The following MYO1H variants were observed in gnomAD, a reference collection of about 807,000 sequenced individuals.
The protein encoded by MYO1H is unconventional myosin-Ih.
Under a neutral mutation model 149.3 loss-of-function variants are expected in MYO1H, and 118 were observed. The ratio of observed to expected loss-of-function variants is 0.79; its 90% CI spans 0.68 to 0.92. The LOEUF (loss-of-function observed/expected upper bound fraction) is 0.92, where lower values mean the gene tolerates loss of function less well. MYO1H is among the 40% of genes least tolerant of loss of function. The pLI, the probability that MYO1H is intolerant of heterozygous loss-of-function variation, is 0.00. For synonymous variants in MYO1H, 447 were observed against 465.2 expected (o/e 0.96, Z 0.50); for missense variants, 1,212 against 1,280.7 (o/e 0.95, Z 0.82).
chr12:109,370,538 A>T (rs2137014685), intron 1 of MYO1H, among the ~76,000 whole-genome samples: 1 of 152,348 alleles, frequency 6.6e-6, no homozygotes, highest in South Asian at 2.1e-4. Flanking sequence ...AATACATGAG[A>T]CAGAGATTTG....
chr12:109,421,175 A>G, intron 16 of MYO1H, 148 bp downstream of exon 16: 1 of 605,304 alleles, frequency 1.7e-6, no homozygotes, highest in Non-Finnish European at 2.9e-6. Flanking sequence ...ACAGACATTC[A>G]GGATCATCTG....
chr12:109,429,623 A>G (rs1285008369), intron 19 of MYO1H, among the ~76,000 whole-genome samples: 3 of 152,138 alleles, frequency 2.0e-5, no homozygotes, highest in African/African-American at 4.8e-5. Context: ...TGGATTTTGT[A>G]TCCATGGGGG....
chr12:109,315,041 G>T, the MYO1H span, among the ~76,000 whole-genome samples: 1 of 152,192 alleles, frequency 6.6e-6, no homozygotes, highest in Non-Finnish European at 1.5e-5. Context: ...GGCAGAGGCT[G>T]CAGTGAGCCA....
At chr12:109,312,314 G>A in the MYO1H span, among the ~76,000 whole-genome samples, 3 of 152,110 alleles carry the variant, frequency 2.0e-5, no homozygotes, top group Non-Finnish European at 2.9e-5. Context: ...CCGGGTTCAC[G>A]CCATTCTCCT....
At chr12:109,436,637 C>A in intron 22 of MYO1H, 81 bp downstream of exon 22, 1 of 926,912 alleles carries the variant, frequency 1.1e-6, no homozygotes. Context: ...GAGTTCTCTC[C>A]CCCTGCTCAT....
intron 2 of MYO1H, 104 bp downstream of exon 2, chr12:109,388,948 T>C: frequency 1.5e-6 from 2 of 1,360,260 alleles, no homozygotes; most frequent in Non-Finnish European, 2.0e-6. Context: ...GGTTAGACAT[T>C]AAAGGGAGAT....
At chr12:109,365,442 AGCATTATG>A (rs1327137642) in intron 1 of MYO1H, among the ~76,000 whole-genome samples, 1 of 152,204 alleles carries the variant, frequency 6.6e-6, no homozygotes, top group African/African-American at 2.4e-5. Flanking sequence ...GCGTCTATTT[AGCATTATG>A]GCTTCGGGGC....
intron 1 of MYO1H, among the ~76,000 whole-genome samples, chr12:109,371,929 T>A (rs1002443210): frequency 2.0e-5 from 3 of 152,176 alleles, no homozygotes; most frequent in African/African-American, 7.2e-5. Context: ...TCTACATATA[T>A]TTAAAAGACA....
chr12:109,369,585 A>T (rs1868939747), intron 1 of MYO1H, among the ~76,000 whole-genome samples: 1 of 152,228 alleles, frequency 6.6e-6, no homozygotes, highest in Admixed American at 6.5e-5. Flanking sequence ...ATAGACATGC[A>T]TGTACATGTG....
At chr12:109,438,086 TAAAAA>T (rs58487735) in intron 22 of MYO1H, among the ~76,000 whole-genome samples, 3 of 96,916 alleles carry the variant, frequency 3.1e-5, no homozygotes, top group African/African-American at 9.1e-5. Context: ...AGGCTCTGTC[TAAAAA>T]AAAAAAAAAA....
At chr12:109,397,699 T>G in intron 4 of MYO1H, 33 bp from the exon 5 acceptor site, 1 of 1,580,572 alleles carries the variant, frequency 6.3e-7, no homozygotes, top group Admixed American at 1.8e-5. Flanking sequence ...ATGGTGAGCT[T>G]AAATGACAGT....
chr12:109,447,473 C>A (rs80024159), exon 32 of MYO1H: 3 of 519,500 alleles, frequency 5.8e-6, no homozygotes, highest in Middle Eastern at 1.0e-3. Context: ...CGCAGTCCAA[C>A]GTGTCATTAG....
intron 19 of MYO1H, among the ~76,000 whole-genome samples, chr12:109,427,909 A>AAAATAT (rs1555254298): frequency 1.2e-4 from 2 of 16,414 alleles, no homozygotes; most frequent in Admixed American, 8.7e-4. Context: ...AAAAAAAAAA[A>AAAATAT]ATATATATAT....
chr12:109,397,109 G>A (rs536051516), intron 4 of MYO1H, among the ~76,000 whole-genome samples: 75 of 152,114 alleles, frequency 4.9e-4, no homozygotes, highest in African/African-American at 1.3e-3. Context: ...AATTACAGGC[G>A]TGAGCCACCA....
intron 6 of MYO1H, 89 bp from the exon 7 acceptor site, chr12:109,403,893 G>T: frequency 1.2e-6 from 1 of 820,012 alleles, no homozygotes; most frequent in Non-Finnish European, 2.1e-6. Context: ...CATTATATAG[G>T]ACTAGCTTTT....
intron 16 of MYO1H, among the ~76,000 whole-genome samples, chr12:109,424,080 T>A (rs1342669951): frequency 6.6e-6 from 1 of 152,202 alleles, no homozygotes; most frequent in Non-Finnish European, 1.5e-5. Context: ...TTCTTTTTAT[T>A]TCTCTTTGCA....
At chr12:109,343,974 A>G (rs1198340720), upstream of MYO1H, among the ~76,000 whole-genome samples, 2 of 152,144 alleles carry the variant, frequency 1.3e-5, no homozygotes, top group Non-Finnish European at 2.9e-5. Context: ...CCATTTAGTC[A>G]TCATGTCTCC....
At chr12:109,435,136 G>T in intron 21 of MYO1H, 23 bp downstream of exon 21, 1 of 1,465,526 alleles carries the variant, frequency 6.8e-7, no homozygotes, top group South Asian at 1.2e-5. Flanking sequence ...TTTCTGTCCC[G>T]ATTTCAATAG....
chr12:109,318,980 T>TGTTTTTTG, the MYO1H span, among the ~76,000 whole-genome samples: 16 of 136,146 alleles, frequency 1.2e-4, 2 homozygotes, highest in East Asian at 6.1e-4. Flanking sequence ...TTGTTTTTTT[T>TGTTTTTTG]TTTTTTTTTT....
Sources: gnomAD v4.1 joint callset for allele counts (sites outside exome capture counted in the v4.1 genomes callset) on GRCh38, gnomAD v4.1.1 for gene constraint, MANE v1.5 for transcripts, NCBI Gene and HGNC (gene_info 2026-07-23, HGNC 2026-07-21) for gene names.